SORCS3: variants seen among roughly 807,000 people sequenced by gnomAD.
The protein encoded by SORCS3 is sortilin related VPS10 domain containing receptor 3.
In SORCS3, 57 loss-of-function variants were observed where a neutral mutation model predicts 146.3. The observed-to-expected ratio is 0.39, with a 90% confidence interval of 0.31 to 0.49. SORCS3 has a LOEUF of 0.49. Among genes scored for constraint, SORCS3 ranks in the 20% least tolerant of loss-of-function variants. SORCS3 has a pLI of 0.92. For missense variants in SORCS3, 1,341 were observed against 1,575.5 expected (o/e 0.85, Z 2.52); for synonymous variants, 653 against 618.5 (o/e 1.06, Z -0.83).
intron 9 of SORCS3, among the ~76,000 whole-genome samples, chr10:105,152,395 G>A (rs188857024): frequency 7.2e-5 from 11 of 151,886 alleles, no homozygotes; most frequent in East Asian, 5.8e-4. Context: ...TTCAGTATAC[G>A]TTCAATGTAA....
chr10:105,064,169 C>T (rs2055506552), intron 5 of SORCS3, among the ~76,000 whole-genome samples: 1 of 152,196 alleles, frequency 6.6e-6, no homozygotes, highest in Non-Finnish European at 1.5e-5. Context: ...AGCAAGGAAA[C>T]AGGAAGAAAT....
intron 12 of SORCS3, among the ~76,000 whole-genome samples, chr10:105,167,026 T>C (rs1193748156): frequency 6.6e-6 from 1 of 152,122 alleles, no homozygotes; most frequent in African/African-American, 2.4e-5. Flanking sequence ...GTACTAGTAG[T>C]GGAAAGAGCC....
intron 4 of SORCS3, among the ~76,000 whole-genome samples, chr10:104,987,802 G>C (rs535590705): frequency 6.6e-6 from 1 of 152,006 alleles, no homozygotes; most frequent in African/African-American, 2.4e-5. Flanking sequence ...TGAATTTTCC[G>C]GCTCCATCCC....
At chr10:105,191,085 C>T (rs2056514285) in intron 14 of SORCS3, among the ~76,000 whole-genome samples, 2 of 152,278 alleles carry the variant, frequency 1.3e-5, no homozygotes, top group Admixed American at 6.5e-5. Context: ...ATTCTACAGC[C>T]ACTCAGACAA....
chr10:105,074,864 T>C (rs2055579082), intron 5 of SORCS3, among the ~76,000 whole-genome samples: 1 of 152,208 alleles, frequency 6.6e-6, no homozygotes, highest in South Asian at 2.1e-4. Context: ...AGGCAAAGAC[T>C]AGGAAATTCT....
chr10:105,014,098 C>CATAT (rs200358301), intron 4 of SORCS3, among the ~76,000 whole-genome samples: 2 of 136,032 alleles, frequency 1.5e-5, no homozygotes, highest in South Asian at 2.3e-4. Context: ...CATATATATA[C>CATAT]ATATATATAT....
chr10:104,959,627 G>A (rs117384263), intron 3 of SORCS3, among the ~76,000 whole-genome samples: 44 of 152,240 alleles, frequency 2.9e-4, no homozygotes, highest in African/African-American at 9.9e-4. Context: ...CAATACCTGC[G>A]TTGCATTCCT....
chr10:104,858,745 C>T (rs932938193), intron 2 of SORCS3, among the ~76,000 whole-genome samples: 1 of 151,842 alleles, frequency 6.6e-6, no homozygotes. Context: ...CCTCAGCCCC[C>T]TGAGTAGCTG....
chr10:104,646,855 G>C (rs1030238506), intron 1 of SORCS3, among the ~76,000 whole-genome samples: 27 of 152,166 alleles, frequency 1.8e-4, no homozygotes, highest in African/African-American at 6.3e-4. Flanking sequence ...GATCGAATTT[G>C]GCTAACCAAG....
rs372693914 is a variant in SORCS3 at position 104,913,527 on chromosome 10, C to T, written c.696-2306C>T. 2.6e-5 allele frequency among the ~76,000 whole-genome samples: 4 copies of T among 152,136 alleles called. No homozygotes were observed. The East Asian group carries it at 7.7e-4, about 29-fold the overall frequency. On this transcript the variant is annotated intron_variant, in intron 2 of 26. Transcript: ENST00000369701. ...ACTCATGACCATGTGGAGCCAGTAG[C>T]CTAGGGAGGGGTTTGAAATATTGAT... is the stretch of plus-strand genomic sequence containing the variant.
intron 8 of SORCS3, among the ~76,000 whole-genome samples, chr10:105,141,698 A>G (rs905693594): frequency 6.6e-6 from 1 of 152,162 alleles, no homozygotes; most frequent in African/African-American, 2.4e-5. Context: ...TGAGCCCTCC[A>G]TAACTCAGTC....
At chr10:104,863,559 G>A (rs1403906179) in intron 2 of SORCS3, among the ~76,000 whole-genome samples, 1 of 152,172 alleles carries the variant, frequency 6.6e-6, no homozygotes, top group Non-Finnish European at 1.5e-5. Flanking sequence ...GTTACCCATA[G>A]CACCTGGCTG....
intron 1 of SORCS3, among the ~76,000 whole-genome samples, chr10:104,830,375 G>A (rs989973668): frequency 3.9e-5 from 6 of 152,146 alleles, no homozygotes; most frequent in Non-Finnish European, 5.9e-5. Context: ...GAACCATCAC[G>A]TGACTGCCTA....
intron 1 of SORCS3, among the ~76,000 whole-genome samples, chr10:104,659,478 C>T (rs1188711172): frequency 1.3e-5 from 2 of 152,094 alleles, no homozygotes; most frequent in East Asian, 3.9e-4. Context: ...AGAGAATTTC[C>T]CCCCAGAATG....
At chr10:104,717,630 C>T (rs1366496007) in intron 1 of SORCS3, among the ~76,000 whole-genome samples, 2 of 152,138 alleles carry the variant, frequency 1.3e-5, no homozygotes, top group African/African-American at 4.8e-5. Context: ...AGTAGGAGAC[C>T]TCTGAGGGCA....
chr10:105,198,073 A>G (rs1267067270), intron 14 of SORCS3, among the ~76,000 whole-genome samples: 1 of 152,162 alleles, frequency 6.6e-6, no homozygotes, highest in African/African-American at 2.4e-5. Flanking sequence ...CTTTTTGTCA[A>G]GATTCCTATG....
chr10:105,206,551 A>T (rs972322639), intron 16 of SORCS3, among the ~76,000 whole-genome samples: 1 of 152,202 alleles, frequency 6.6e-6, no homozygotes, highest in Admixed American at 6.5e-5. Context: ...GCTGAGGAAG[A>T]AAAGGAAAAT....
intron 1 of SORCS3, among the ~76,000 whole-genome samples, chr10:104,802,888 T>G (rs1052871419): frequency 2.6e-5 from 4 of 152,196 alleles, no homozygotes; most frequent in African/African-American, 9.7e-5. Context: ...TCTGTTATCA[T>G]GAAACCCAGA....
At chr10:105,225,554 A>G (rs1589697104) in intron 20 of SORCS3, among the ~76,000 whole-genome samples, 1 of 151,904 alleles carries the variant, frequency 6.6e-6, no homozygotes, top group African/African-American at 2.4e-5. Flanking sequence ...TTTTATGTTG[A>G]CTATTTTGAG....
Sources: gnomAD v4.1 joint callset for allele counts (sites outside exome capture counted in the v4.1 genomes callset) on GRCh38, gnomAD v4.1.1 for gene constraint, MANE v1.5 for transcripts, NCBI Gene and HGNC (gene_info 2026-07-23, HGNC 2026-07-21) for gene names.